The following SDC2 variants were observed in gnomAD, a reference collection of about 807,000 sequenced individuals.
SDC2 encodes syndecan-2.
In SDC2, 13 loss-of-function variants were observed where a neutral mutation model predicts 22.2. The ratio of observed to expected loss-of-function variants is 0.59; its 90% confidence interval spans 0.38 to 0.93. SDC2 has a LOEUF of 0.93. SDC2 is among the 40% of genes least tolerant of loss of function. The pLI is 0.00. For missense variants in SDC2, 235 were observed against 246.8 expected, an observed-to-expected ratio of 0.95 and a Z score of 0.32; for synonymous variants, 94 against 92.8, an observed-to-expected ratio of 1.01 and a Z score of -0.07.
intron 1 of SDC2, among the ~76,000 whole-genome samples, chr8:96,568,231 T>A (rs1379107286): frequency 1.3e-5 from 2 of 152,240 alleles, no homozygotes. Flanking sequence ...TTGGCACATC[T>A]TGTGGTGAAA....
chr8:96,566,960 T>G (rs1289659642), intron 1 of SDC2, among the ~76,000 whole-genome samples: 1 of 152,202 alleles, frequency 6.6e-6, no homozygotes, highest in African/African-American at 2.4e-5. Flanking sequence ...TTCAAGCGAT[T>G]CTCTTTCCTC....
intron 2 of SDC2, among the ~76,000 whole-genome samples, chr8:96,598,233 T>A (rs577950101): frequency 6.6e-4 from 101 of 152,224 alleles, no homozygotes; most frequent in African/African-American, 2.4e-3. Flanking sequence ...CTGAAGTCCC[T>A]CTTCTTAATA....
At chr8:96,559,916 C>A (rs1363608788) in intron 1 of SDC2, among the ~76,000 whole-genome samples, 1 of 152,156 alleles carries the variant, frequency 6.6e-6, no homozygotes, top group Non-Finnish European at 1.5e-5. Flanking sequence ...ATAATTTGAT[C>A]TTAAAATGAC....
rs200956846 is a variant in SDC2 at position 96,553,779 on chromosome 8, T to TG, written c.61-39701_61-39700insG. On this transcript the variant is annotated intron_variant, in intron 1 of 4. Transcript: ENST00000302190. ...TACGATTTTTATTTAAAGATTTTTT[T>TG]TTTTGTTTTGGAGACAGGATCTCAC... Among the ~76,000 whole-genome samples, 838 of 152,216 alleles carry TG rather than the reference T, an allele frequency of 5.5e-3. 5 individuals carry two copies. Among genetic ancestry groups the TG allele is most frequent in the African/African-American group, 0.018 (740 of 41,524 alleles).
At chr8:96,598,391 G>A (rs1004074387) in intron 2 of SDC2, among the ~76,000 whole-genome samples, 32 of 152,256 alleles carry the variant, frequency 2.1e-4, no homozygotes, top group Admixed American at 1.5e-3. Context: ...GGAGGCTGAG[G>A]TAGGTGGATC....
intron 1 of SDC2, among the ~76,000 whole-genome samples, chr8:96,558,981 T>C (rs544326340): frequency 6.6e-6 from 1 of 152,362 alleles, no homozygotes; most frequent in East Asian, 1.9e-4. Context: ...TTTCATGGAT[T>C]GCCAGTGGAG....
chr8:96,520,128 G>A (rs958814678), intron 1 of SDC2, among the ~76,000 whole-genome samples: 6 of 152,160 alleles, frequency 3.9e-5, no homozygotes, highest in Non-Finnish European at 7.3e-5. Context: ...TAAGAATCCA[G>A]CCAATGAAAC....
Position 96,608,476 on chromosome 8 carries a change from T to C in SDC2, c.442+6T>C. ...ACGGACAGAAGTCCTAGCAGGTGAG[T>C]AGCCTGGTGGGCCTCAGGTGGGAGG... On this transcript the variant is annotated splice_donor_region_variant and intron_variant, in intron 4 of 4. Transcript: ENST00000302190. The C allele has an allele frequency of 1.9e-6, 3 of 1,608,616 alleles. No individual in the cohort carries two copies. The highest frequency in any genetic ancestry group is 2.5e-6 in the Non-Finnish European group (3 of 1,177,404).
intron 1 of SDC2, among the ~76,000 whole-genome samples, chr8:96,508,454 C>G (rs1813280764): frequency 6.6e-6 from 1 of 151,808 alleles, no homozygotes; most frequent in Admixed American, 6.6e-5. Context: ...GATTGAGCCA[C>G]TGCACTCCAG....
At position 96,580,379 on chromosome 8, in the gene SDC2, G is replaced by C. The variant is rs1239665037; in HGVS notation, c.61-13101G>C. ...TGTTCCAGAGCATTTGCCAAAGCCA[G>C]GTATGTCCAGTCAAAGGGATAATGC... is the stretch of plus-strand genomic sequence containing the variant. On this transcript the variant is annotated intron_variant, in intron 1 of 4. Transcript: ENST00000302190. 8.1e-6 allele frequency: 8 copies of C among 985,338 alleles called. No individual in the cohort carries two copies. The Admixed American group carries it at 4.9e-4, about 61-fold the overall frequency. The allele number at this position is 985,338 out of a possible 1,614,324, so 61.0% of individuals were successfully genotyped here. A position where few individuals can be genotyped will look rare whatever the true frequency, so the allele number is the denominator to read the frequency against.
At position 96,494,037 on chromosome 8, in the gene SDC2, C is replaced by A. The variant is rs1352359913; in HGVS notation, c.-235C>A. 7.3e-6 allele frequency: 4 copies of A among 548,404 alleles called. No individual in the cohort carries two copies. Among genetic ancestry groups the A allele is most frequent in the Non-Finnish European group, 3.2e-6 (1 of 314,678 alleles). The allele number at this position is 548,404 out of a possible 1,614,324, so 34.0% of individuals were successfully genotyped here. ...CAACTCCGTGTCGGGAGTGCAGAAACCAACAAGTGAGAGGGCGCCGCGTTC... is the reference window on the plus strand; with the variant it reads ...CAACTCCGTGTCGGGAGTGCAGAAAACAACAAGTGAGAGGGCGCCGCGTTC... On this transcript the variant is annotated 5_prime_UTR_variant, in exon 1 of 5. Transcript: ENST00000302190.
chr8:96,586,076 T>C (rs1814681282), intron 1 of SDC2, among the ~76,000 whole-genome samples: 1 of 152,206 alleles, frequency 6.6e-6, no homozygotes, highest in Admixed American at 6.5e-5. Context: ...CTCAGCCATT[T>C]AAATGTTTTC....
At chr8:96,494,719 G>A (rs1813022001) in intron 1 of SDC2, among the ~76,000 whole-genome samples, 1 of 152,162 alleles carries the variant, frequency 6.6e-6, no homozygotes, top group African/African-American at 2.4e-5. Context: ...TCCACTCCGC[G>A]CGCTCCTCGA....
intron 1 of SDC2, among the ~76,000 whole-genome samples, chr8:96,515,887 G>A (rs1014640660): frequency 6.6e-6 from 1 of 152,090 alleles, no homozygotes; most frequent in Non-Finnish European, 1.5e-5. Flanking sequence ...AGAGGCAGGT[G>A]GAAAATACTG....
chr8:96,587,202 G>A (rs1461002732), intron 1 of SDC2, among the ~76,000 whole-genome samples: 3 of 152,178 alleles, frequency 2.0e-5, no homozygotes, highest in Admixed American at 6.5e-5. Flanking sequence ...GAGGTTATAG[G>A]TGTGAGCCAC....
intron 2 of SDC2, among the ~76,000 whole-genome samples, chr8:96,600,744 C>T (rs971957010): frequency 1.3e-5 from 2 of 152,124 alleles, no homozygotes; most frequent in African/African-American, 4.8e-5. Context: ...TCAGTCACTG[C>T]AAGGTCACAG....
intron 1 of SDC2, among the ~76,000 whole-genome samples, chr8:96,506,435 T>C (rs1021373779): frequency 2.6e-5 from 4 of 152,010 alleles, no homozygotes; most frequent in Non-Finnish European, 5.9e-5. Flanking sequence ...TATATACTTA[T>C]ATATTATACA....
chr8:96,579,540 T>G (rs921918882), intron 1 of SDC2, among the ~76,000 whole-genome samples: 3 of 152,242 alleles, frequency 2.0e-5, no homozygotes, highest in African/African-American at 7.2e-5. Flanking sequence ...CATGACTGTC[T>G]ATAAACACAG....
intron 1 of SDC2, among the ~76,000 whole-genome samples, chr8:96,521,714 A>G (rs1054346353): frequency 2.0e-5 from 3 of 152,248 alleles, no homozygotes; most frequent in South Asian, 4.1e-4. Context: ...GGTTGTAACA[A>G]GATCCTCAGC....
Sources: gnomAD v4.1 joint callset for allele counts (sites outside exome capture counted in the v4.1 genomes callset) on GRCh38, gnomAD v4.1.1 for gene constraint, MANE v1.5 for transcripts, NCBI Gene and HGNC (gene_info 2026-07-23, HGNC 2026-07-21) for gene names.